The following IL4I1 variants were observed in gnomAD, a reference collection of about 807,000 sequenced individuals.
IL4I1 encodes the protein L-amino-acid oxidase.
In IL4I1, 24 loss-of-function variants were observed where a neutral mutation model predicts 29.7. The observed-to-expected ratio is 0.81, with a 90% CI of 0.59 to 1.14. The LOEUF is 1.14. Ranked by LOEUF, IL4I1 falls within the 50% of genes most tolerant of loss-of-function variation. The probability of loss-of-function intolerance (pLI) is 0.00; values close to 1 mark genes in which losing one functional copy is unlikely to be tolerated. For missense variants in IL4I1, 686 were observed against 785.6 expected (o/e 0.87, Z 1.52); for synonymous variants, 371 against 352.5 (o/e 1.05, Z -0.59).
At position 49,913,413 on chromosome 19, in the gene IL4I1, C is replaced by T. The variant is rs528085247; in HGVS notation, c.-227-9092G>A. 2.5e-4 allele frequency among the ~76,000 whole-genome samples: 38 copies of T among 152,312 alleles called. No homozygotes were observed. The South Asian group carries it at 6.4e-3, about 26-fold the overall frequency. On this transcript the variant is annotated intron_variant, in intron 2 of 9. Coordinates refer to the IL4I1 transcript ENST00000341114. ...GGCCACTCTAGAGAGTCCATGTTGACGCTGTGACCTAGAGTGGGGGCTTTG... is the reference window on the plus strand; with the variant it reads ...GGCCACTCTAGAGAGTCCATGTTGATGCTGTGACCTAGAGTGGGGGCTTTG...
upstream of IL4I1, among the ~76,000 whole-genome samples, chr19:49,897,915 G>T (rs575987560): frequency 2.0e-4 from 31 of 152,300 alleles, no homozygotes; most frequent in Middle Eastern, 3.4e-3. Flanking sequence ...GCCGGGAGGG[G>T]CTGGGGGGTG....
intron 2 of IL4I1, among the ~76,000 whole-genome samples, chr19:49,914,726 G>GTT (rs530372497): frequency 0.027 from 1,501 of 56,278 alleles, 382 homozygotes; most frequent in Middle Eastern, 0.037. Flanking sequence ...CCAAGTCCCA[G>GTT]TTTTTTTTTT....
intron 2 of IL4I1, among the ~76,000 whole-genome samples, chr19:49,915,331 G>A (rs1438766066): frequency 1.3e-5 from 2 of 152,194 alleles, no homozygotes; most frequent in African/African-American, 4.8e-5. Flanking sequence ...GGAGGCAGGA[G>A]TCAGAGGGAG....
exon 1 of IL4I1, chr19:49,929,367 G>GGCC (rs920055034): frequency 9.1e-5 from 14 of 154,144 alleles, no homozygotes; most frequent in African/African-American, 2.9e-4. Context: ...CTTCAGCCGA[G>GGCC]GCCGCCGCCG....
At chr19:49,891,216 A>T in intron 6 of IL4I1, 109 bp from the exon 7 acceptor site, 4 of 1,495,768 alleles carry the variant, frequency 2.7e-6, no homozygotes, top group South Asian at 2.5e-5. Flanking sequence ...GGACCGTAGG[A>T]TCCTGTCCCC....
rs371422304 is a variant in IL4I1, at chr19:49,890,457, G to C, written c.917C>G (p.Pro306Arg). Residue 306 changes from proline (P) to arginine (R), a missense_variant, in exon 8 of 8, where the codon CCG (proline) becomes CGG (arginine). Transcript: ENST00000391826. ...DVHVQIETSP[P>R]ARNLKVLKAD... Reference sequence around the variant, plus strand: ...CTTCAGCACCTTCAGATTCCGCGCCGGGGGAGAGGTCTCGATCTGCACGTG... The same window carrying C: ...CTTCAGCACCTTCAGATTCCGCGCCCGGGGAGAGGTCTCGATCTGCACGTG... 2 of 1,611,782 alleles carry C rather than the reference G, an allele frequency of 1.2e-6. No homozygotes were observed. The highest frequency in any genetic ancestry group is 2.2e-5 in the East Asian group (1 of 44,864).
At chr19:49,922,788 C>T (rs562056342) in intron 2 of IL4I1, among the ~76,000 whole-genome samples, 42 of 152,170 alleles carry the variant, frequency 2.8e-4, no homozygotes, top group African/African-American at 9.9e-4. Context: ...AGTGTTGCTG[C>T]GGCCCCGGTG....
At chr19:49,918,192 G>A (rs773856946) in intron 2 of IL4I1, among the ~76,000 whole-genome samples, 7 of 151,692 alleles carry the variant, frequency 4.6e-5, no homozygotes, top group Non-Finnish European at 7.4e-5. Flanking sequence ...CTAGCCTCCC[G>A]TTAGCTGGGA....
intron 2 of IL4I1, among the ~76,000 whole-genome samples, chr19:49,923,216 G>C (rs567985570): frequency 6.6e-6 from 1 of 152,156 alleles, no homozygotes; most frequent in South Asian, 2.1e-4. Context: ...CTCCCCAACT[G>C]AGCTGGCCTT....
At chr19:49,915,158 G>A (rs189341788) in intron 2 of IL4I1, among the ~76,000 whole-genome samples, 1 of 152,016 alleles carries the variant, frequency 6.6e-6, no homozygotes, top group African/African-American at 2.4e-5. Flanking sequence ...CTATGTGTGT[G>A]GGGGGGTAGA....
At chr19:49,912,650 G>C (rs987893737) in intron 2 of IL4I1, among the ~76,000 whole-genome samples, 8 of 152,154 alleles carry the variant, frequency 5.3e-5, no homozygotes, top group Non-Finnish European at 1.0e-4. Flanking sequence ...GATCGCTTGA[G>C]CCCAGGAACT....
chr19:49,906,988 C>T (rs2075334900), intron 2 of IL4I1: 1 of 153,788 alleles, frequency 6.5e-6, no homozygotes, highest in African/African-American at 2.4e-5. Flanking sequence ...TAGAGTTACT[C>T]TGGTGCCACT....
At chr19:49,895,726 C>A in intron 3 of IL4I1, 89 bp downstream of exon 3, 3 of 1,125,852 alleles carry the variant, frequency 2.7e-6, no homozygotes, top group African/African-American at 1.5e-5. Context: ...TCCACCCCCT[C>A]AAGGAGGAAC....
chr19:49,923,572 G>C (rs537275222), intron 2 of IL4I1, among the ~76,000 whole-genome samples: 1 of 152,174 alleles, frequency 6.6e-6, no homozygotes, highest in East Asian at 1.9e-4. Context: ...TCTGGCAGCC[G>C]CCGGCTTCAC....
chr19:49,920,089 ATTT>A (rs894001021), intron 2 of IL4I1, among the ~76,000 whole-genome samples: 1 of 147,060 alleles, frequency 6.8e-6, no homozygotes, highest in Non-Finnish European at 1.5e-5. Context: ...ACACCAGCTA[ATTT>A]TTTTTTTTTG....
At chr19:49,915,877 G>T (rs749665815) in intron 2 of IL4I1, among the ~76,000 whole-genome samples, 1 of 152,232 alleles carries the variant, frequency 6.6e-6, no homozygotes, top group Non-Finnish European at 1.5e-5. Flanking sequence ...ATGATGGGAG[G>T]GAAGGACAAG....
At chr19:49,923,964 T>C (rs929245973) in intron 2 of IL4I1, among the ~76,000 whole-genome samples, 2 of 152,192 alleles carry the variant, frequency 1.3e-5, no homozygotes, top group Non-Finnish European at 2.9e-5. Flanking sequence ...GATGCAAAAC[T>C]CGGAGCCTTT....
At chr19:49,895,752 T>G in intron 3 of IL4I1, 63 bp downstream of exon 3, 1 of 1,226,348 alleles carries the variant, frequency 8.2e-7, no homozygotes, top group Non-Finnish European at 1.1e-6. Context: ...CGTGTCCCTG[T>G]GCCCAGGGAC....
At chr19:49,915,192 C>T (rs939805606) in intron 2 of IL4I1, among the ~76,000 whole-genome samples, 8 of 152,050 alleles carry the variant, frequency 5.3e-5, no homozygotes, top group African/African-American at 1.7e-4. Flanking sequence ...CCCAAACATG[C>T]CCACACTCTG....
Sources: gnomAD v4.1 joint callset for allele counts (sites outside exome capture counted in the v4.1 genomes callset) on GRCh38, gnomAD v4.1.1 for gene constraint, MANE v1.5 for transcripts, NCBI Gene and HGNC (gene_info 2026-07-23, HGNC 2026-07-21) for gene names.